The following COL17A1 variants were observed in gnomAD, a reference collection of about 807,000 sequenced individuals.
COL17A1 encodes collagen alpha-1(XVII) chain.
In COL17A1, 181 loss-of-function variants were observed where a neutral mutation model predicts 218.4. That is an observed-to-expected ratio of 0.83 (90% CI 0.73 to 0.94). The LOEUF is 0.94. Ranked by LOEUF, COL17A1 falls within the 40% of genes least tolerant of loss-of-function variation. The pLI, the probability that COL17A1 is intolerant of heterozygous loss-of-function variation, is 0.00. For synonymous variants in COL17A1, 721 were observed against 731.0 expected (o/e 0.99, Z 0.22); for missense variants, 1,924 against 1,945.9 (o/e 0.99, Z 0.21).
chr10:104,059,236 A>G (rs1209177923), intron 15 of COL17A1: 6 of 291,048 alleles, frequency 2.1e-5, no homozygotes. Context: ...AGAGATTCCT[A>G]TAGGGCATCG....
chr10:104,052,970 T>C, intron 23 of COL17A1, 61 bp downstream of exon 23: 1 of 1,578,186 alleles, frequency 6.3e-7, no homozygotes, highest in East Asian at 2.2e-5. Flanking sequence ...GGGACGGGTG[T>C]TGACAGAGAG....
chr10:104,041,508 G>A lies in COL17A1; in HGVS notation c.2582C>T (p.Pro861Leu), dbSNP rs1177541494. The change falls in exon 37 of 56, where the codon CCA (proline) becomes CTA (leucine). Residue 861 changes from proline to leucine, a missense_variant. Pro to Leu is a moderately conservative substitution (Grantham distance 98). Coordinates refer to ENST00000648076, the MANE Select transcript of COL17A1 (RefSeq NM_000494.4). ...ACCTGGTGGCCCGCGTGGGCCGGGTGGGCCTGGGGGACCTTGTAAATTAAG... is the reference window on the plus strand; with the variant it reads ...ACCTGGTGGCCCGCGTGGGCCGGGTAGGCCTGGGGGACCTTGTAAATTAAG... ...EVLNLQGPPG[P>L]PGPRGPPGPS... The A allele has an allele frequency of 1.2e-6, 2 of 1,613,504 alleles. No individual in the cohort carries two copies. The highest frequency in any genetic ancestry group is 1.7e-6 in the Non-Finnish European group (2 of 1,179,568).
intron 1 of COL17A1, 56 bp from the exon 2 acceptor site, chr10:104,080,740 A>G: frequency 6.4e-7 from 1 of 1,571,798 alleles, no homozygotes. Flanking sequence ...TTTAGTAATT[A>G]TAGGTCCCCA....
At position 104,041,099 on chromosome 10, in the gene COL17A1, TGGGCCTGGC is replaced by T; in HGVS notation, c.2658_2666del (p.Pro892_Gly894del). 6.2e-7 allele frequency: 1 copy of T among 1,613,016 alleles called. No homozygotes were observed. The highest frequency in any genetic ancestry group is 8.5e-7 in the Non-Finnish European group (1 of 1,179,582). ...ACAGGAACGATCCTGGTGGGCCTGG[TGGGCCTGGC>T]AAACCCTCCCCTAGGAAAGAGAACC... On this transcript the variant is annotated inframe_deletion, in exon 39 of 56. Transcript: ENST00000648076.
Position 104,038,383 on chromosome 10 carries a change from G to C in COL17A1, c.3070+23C>G, listed in dbSNP as rs375169009. On this transcript the variant is annotated intron_variant, in intron 45 of 55. Transcript: ENST00000648076. ...GTATCTCCATGTTCTTGTCCCCACG[G>C]CTTGCGGCGGCCAGCTACTCACTCT... The C allele has an allele frequency of 3.7e-6, 6 of 1,613,242 alleles. No homozygotes were observed. The African/African-American group carries it at 4.0e-5, about 11-fold the overall frequency.
At chr10:104,073,281 A>G in intron 6 of COL17A1, 36 bp from the exon 7 acceptor site, 1 of 1,593,262 alleles carries the variant, frequency 6.3e-7, no homozygotes, top group Non-Finnish European at 8.6e-7. Flanking sequence ...AGGCATATAT[A>G]AGAGGTGGCA....
Position 104,045,544 on chromosome 10 carries a change from G to A in COL17A1, c.2398+214C>T, listed in dbSNP as rs2086400112. 2.0e-5 allele frequency among the ~76,000 whole-genome samples: 3 copies of A among 151,948 alleles called. No homozygotes were observed. The South Asian group carries it at 6.2e-4, about 32-fold the overall frequency. ...AAGTATGAAAGCAAGGCTCAGGTTTGTGGGGTGGGGAGGTGTTTGGGGAGG... is the reference window on the plus strand; with the variant it reads ...AAGTATGAAAGCAAGGCTCAGGTTTATGGGGTGGGGAGGTGTTTGGGGAGG... On this transcript the variant is annotated intron_variant, in intron 33 of 55. Transcript: ENST00000648076.
At position 104,037,683 on chromosome 10, in the gene COL17A1, G is replaced by A. The variant is rs750551723; in HGVS notation, c.3161C>T (p.Thr1054Ile). The A allele has an allele frequency of 1.2e-6, 2 of 1,614,196 alleles. No individual in the cohort carries two copies. The highest frequency in any genetic ancestry group is 1.1e-5 in the South Asian group (1 of 91,086). The change falls in exon 46 of 56, where the codon ACT (threonine) becomes ATT (isoleucine). Residue 1054 changes from threonine to isoleucine, a missense_variant. Coordinates refer to ENST00000648076, the MANE Select transcript of COL17A1 (RefSeq NM_000494.4). ...PGPVTTITGE[T>I]FDYSELASHV... ...GCTTGCCAGCTCTGAGTAGTCGAAA[G>A]TCTCGCCTGTGATGGTGGTGACAGG... is the stretch of plus-strand genomic sequence containing the variant.
chr10:104,040,259 G>A, intron 40 of COL17A1, 92 bp downstream of exon 40: 1 of 1,027,904 alleles, frequency 9.7e-7, no homozygotes, highest in Non-Finnish European at 1.6e-6. Flanking sequence ...AAATGCCCCA[G>A]CTCATTCAGC....
At chr10:104,077,259 A>G (rs1450879876) in intron 4 of COL17A1, among the ~76,000 whole-genome samples, 163 bp downstream of exon 4, 1 of 152,180 alleles carries the variant, frequency 6.6e-6, no homozygotes, top group African/African-American at 2.4e-5. Context: ...TGTTATTTAG[A>G]TAACTCTCAG....
At chr10:104,033,561 T>G (rs1030536470) in intron 52 of COL17A1, among the ~76,000 whole-genome samples, 186 bp from the exon 53 acceptor site, 1 of 152,346 alleles carries the variant, frequency 6.6e-6, no homozygotes. Flanking sequence ...CTTCCTGCTG[T>G]GGGCCGGCAT....
chr10:104,059,456 T>C (rs1176216409), intron 15 of COL17A1, 182 bp downstream of exon 15: 40 of 650,746 alleles, frequency 6.1e-5, no homozygotes, highest in Non-Finnish European at 5.6e-6. Flanking sequence ...CTTGTTGAAC[T>C]GCAGCTTCTG....
chr10:104,051,294 T>C (rs544020784), intron 25 of COL17A1, among the ~76,000 whole-genome samples, 187 bp downstream of exon 25: 1 of 152,300 alleles, frequency 6.6e-6, no homozygotes, highest in East Asian at 1.9e-4. Flanking sequence ...TCAGAAGGGA[T>C]CTGGACAGGA....
At chr10:104,035,798 G>GT (rs2086275436) in intron 48 of COL17A1, among the ~76,000 whole-genome samples, 1 of 152,142 alleles carries the variant, frequency 6.6e-6, no homozygotes, top group African/African-American at 2.4e-5. Context: ...GTGTGTATGA[G>GT]TATGTGTGTA....
intron 48 of COL17A1, among the ~76,000 whole-genome samples, chr10:104,036,189 T>TATGGGTGTGTGTGTATGGGAGTGA: frequency 0.011 from 2 of 182 alleles, no homozygotes; most frequent in South Asian, 0.12. Flanking sequence ...TGGAAGTGAG[T>TATGGGTGTGTGTGTATGGGAGTGA]GTGTGTGTGT....
chr10:104,057,733 G>A (rs2086544172), intron 16 of COL17A1, among the ~76,000 whole-genome samples: 1 of 152,100 alleles, frequency 6.6e-6, no homozygotes, highest in African/African-American at 2.4e-5. Flanking sequence ...CTAAAATGGG[G>A]TGGTAGGACT....
intron 48 of COL17A1, among the ~76,000 whole-genome samples, chr10:104,036,022 GTC>G (rs1452115306): frequency 2.1e-5 from 3 of 146,068 alleles, no homozygotes; most frequent in Non-Finnish European, 4.6e-5. Flanking sequence ...GTATGGGTGT[GTC>G]TGAGTATGGA....
rs2086369704 is a variant in COL17A1 at position 104,042,467 on chromosome 10, G to T, written c.2516-12C>A. ...TGGGCCGGCAGGGCCTGGAAACGGGGTTGAGGAAGAAAAGGCTAAATCATG... is the reference window on the plus strand; with the variant it reads ...TGGGCCGGCAGGGCCTGGAAACGGGTTTGAGGAAGAAAAGGCTAAATCATG... On this transcript the variant is annotated splice_polypyrimidine_tract_variant and intron_variant, in intron 35 of 55. Coordinates refer to ENST00000648076, the MANE Select transcript of COL17A1 (RefSeq NM_000494.4). 3.1e-6 allele frequency: 5 copies of T among 1,614,022 alleles called. No individual in the cohort carries two copies. The highest frequency in any genetic ancestry group is 1.7e-5 in the Admixed American group (1 of 60,010).
intron 9 of COL17A1, among the ~76,000 whole-genome samples, chr10:104,069,368 C>T (rs958130592): frequency 1.7e-4 from 26 of 152,136 alleles, no homozygotes. Flanking sequence ...ATCACTTTAC[C>T]TCAAGGGTGC....
Sources: allele counts gnomAD v4.1 joint callset (sites outside exome capture counted in the v4.1 genomes callset), GRCh38; gene constraint gnomAD v4.1.1; transcripts MANE v1.5; gene names NCBI Gene and HGNC (gene_info 2026-07-23, HGNC 2026-07-21).